Variants in SCN4B observed in about 807,000 individuals in gnomAD.
SCN4B encodes the protein sodium voltage-gated channel beta subunit 4, also known as sodium channel regulatory subunit beta-4.
In SCN4B, 20 loss-of-function variants were observed where a neutral mutation model predicts 19.6. The observed-to-expected ratio is 1.02, with a 90% CI of 0.72 to 1.48. The LOEUF is 1.48. SCN4B is among the 40% of genes most tolerant of loss of function. SCN4B has a pLI of 0.00. For missense variants in SCN4B, 271 were observed against 287.5 expected (o/e 0.94, Z 0.42); for synonymous variants, 127 against 122.8 (o/e 1.03, Z -0.22).
chr11:118,149,243 A>G (rs913894683), intron 1 of SCN4B, among the ~76,000 whole-genome samples: 1 of 152,224 alleles, frequency 6.6e-6, no homozygotes, highest in African/African-American at 2.4e-5. Context: ...CTTTTCCCAC[A>G]TCCAGGGATC....
intron 1 of SCN4B, among the ~76,000 whole-genome samples, chr11:118,149,063 C>G (rs1948210779): frequency 6.6e-6 from 1 of 152,186 alleles, no homozygotes; most frequent in Non-Finnish European, 1.5e-5. Context: ...TGGCCCCCTG[C>G]CATCCTCATC....
chr11:118,145,177 G>A lies in SCN4B; in HGVS notation c.114C>T (p.Ala38=). ...TGCCATTGACAGCGTAGATGTCGGT[G>A]GCCTTTCCCACAGACACCTCCAGCG... ...TLSLEVSVGK[A]TDIYAVNGTE... The change falls in exon 2 of 5, where the codon GCC becomes GCT. Residue 38 remains alanine (A), a synonymous_variant. Coordinates refer to ENST00000324727, the MANE Select transcript of SCN4B (RefSeq NM_174934.4). The A allele has an allele frequency of 6.2e-7, 1 of 1,614,062 alleles. No individual in the cohort carries two copies. The highest frequency in any genetic ancestry group is 8.5e-7 in the Non-Finnish European group (1 of 1,179,998).
rs1021641712 is a variant in SCN4B at position 118,136,613 on chromosome 11, A to T, written c.*414T>A. On this transcript the variant is annotated 3_prime_UTR_variant, in exon 5 of 5. Transcript: ENST00000324727. ...TCCAAAGGAAGCCACTTCTTCCTAC[A>T]CCCCATCTCCAGGGTGCAGCTCTTA... The T allele has an allele frequency of 6.6e-6, 3 of 455,200 alleles. No homozygotes were observed. The highest frequency in any genetic ancestry group is 1.3e-5 in the Non-Finnish European group (3 of 227,844). The allele number at this position is 455,200 out of a possible 1,614,324, so 28.2% of individuals were successfully genotyped here.
At position 118,137,041 on chromosome 11, in the gene SCN4B, G is replaced by C. The variant is rs1352900290; in HGVS notation, c.673C>G (p.Pro225Ala). ...LPGSKAEEKPPSKV is the reference protein window; with the variant it reads ...LPGSKAEEKPASKV Reference sequence around the variant, plus strand: ...CGAAGCAGGGCTCACACTTTTGAAGGTGGTTTCTCCTCTGCCTTGGAGCCA... The same window carrying C: ...CGAAGCAGGGCTCACACTTTTGAAGCTGGTTTCTCCTCTGCCTTGGAGCCA... The change falls in exon 5 of 5, where the codon CCT becomes GCT. Residue 225 changes from proline to alanine, a missense_variant. Pro to Ala is a conservative substitution (Grantham distance 27). Transcript: ENST00000324727. The C allele has an allele frequency of 1.2e-6, 2 of 1,613,222 alleles. No individual in the cohort carries two copies. The highest frequency in any genetic ancestry group is 2.7e-5 in the African/African-American group (2 of 74,912).
Position 118,135,172 on chromosome 11 carries a change from C to T in SCN4B, c.*1855G>A. 2.2e-6 allele frequency: 1 copy of T among 454,102 alleles called. No individual in the cohort carries two copies. The highest frequency in any genetic ancestry group is 2.3e-5 in the Admixed American group (1 of 42,580). 28.1% of individuals were successfully genotyped at this position (454,102 alleles called of 1,614,324 possible). ...AAAGCCAGGAAAATCTGAGCCCCAG[C>T]CCATGACAGGTTCTGGGTAGAGAAG... On this transcript the variant is annotated 3_prime_UTR_variant, in exon 5 of 5. Transcript: ENST00000324727.
rs1038278741 is a variant in SCN4B, at chr11:118,136,377, G to A, written c.*650C>T. On this transcript the variant is annotated 3_prime_UTR_variant, in exon 5 of 5. Transcript: ENST00000324727. The stretch of plus-strand genomic sequence containing the variant: ...GGTGGCCAGGAACCCTCAAGACCAG[G>A]GTGGCCAGCCCTGGTTGAGAGGGCT... 2.2e-6 allele frequency: 1 copy of A among 453,882 alleles called. No homozygotes were observed. The highest frequency in any genetic ancestry group is 2.3e-5 in the Admixed American group (1 of 42,560). The allele number at this position is 453,882 out of a possible 1,614,324, so 28.1% of individuals were successfully genotyped here.
chr11:118,142,618 T>C (rs1203142598), intron 3 of SCN4B, among the ~76,000 whole-genome samples: 1 of 152,216 alleles, frequency 6.6e-6, no homozygotes, highest in African/African-American at 2.4e-5. Context: ...CTTGTTCATA[T>C]CACATCCTCG....
chr11:118,137,133 A>G lies in SCN4B; in HGVS notation c.594-13T>C. 6.3e-7 allele frequency: 1 copy of G among 1,591,906 alleles called. No homozygotes were observed. The highest frequency in any genetic ancestry group is 1.3e-5 in the African/African-American group (1 of 74,536). ...GAGACACTCCTTCCTGGAGAGGGAGAGAGAAGGGACAGTGGTGAGGAGAGG... is the reference window on the plus strand; with the variant it reads ...GAGACACTCCTTCCTGGAGAGGGAGGGAGAAGGGACAGTGGTGAGGAGAGG... On this transcript the variant is annotated splice_polypyrimidine_tract_variant and intron_variant, in intron 4 of 4. Coordinates refer to ENST00000324727, the MANE Select transcript of SCN4B (RefSeq NM_174934.4).
intron 1 of SCN4B, among the ~76,000 whole-genome samples, chr11:118,149,371 G>A (rs1307131098): frequency 2.0e-5 from 3 of 152,302 alleles, no homozygotes; most frequent in African/African-American, 7.2e-5. Flanking sequence ...TTAATAGGGA[G>A]GCTGATACAC....
At chr11:118,149,873 G>T (rs1565458069) in intron 1 of SCN4B, among the ~76,000 whole-genome samples, 2 of 152,156 alleles carry the variant, frequency 1.3e-5, no homozygotes, top group Non-Finnish European at 1.5e-5. Context: ...TTCTCTCTCA[G>T]GTGCCCCCAC....
rs1200013792 is a variant in SCN4B at position 118,148,439 on chromosome 11, C to T, written c.62-3210G>A. Among the ~76,000 whole-genome samples the T allele has an allele frequency of 6.6e-6, 1 of 152,228 alleles. No homozygotes were observed. The highest frequency in any genetic ancestry group is 2.4e-5 in the African/African-American group (1 of 41,460). On this transcript the variant is annotated intron_variant, in intron 1 of 4. Coordinates refer to ENST00000324727, the MANE Select transcript of SCN4B (RefSeq NM_174934.4). The surrounding 1 kb of genome is among the most constrained non-coding windows in gnomAD (Gnocchi z 4.0). ...AGGGCTGCTTCAGGATGACCAAGTC[C>T]AGAGAGGACTGGTGAGCATGCGCAA...
rs900749426 is a variant in SCN4B at position 118,148,164 on chromosome 11, C to T, written c.62-2935G>A. Among the ~76,000 whole-genome samples, 7 of 152,282 alleles carry T rather than the reference C, an allele frequency of 4.6e-5. No individual in the cohort carries two copies. Among genetic ancestry groups the T allele is most frequent in the South Asian group, 2.1e-4 (1 of 4,816 alleles). On this transcript the variant is annotated intron_variant, in intron 1 of 4. Transcript: ENST00000324727. This position sits in a 1 kb window ranked among gnomAD's most constrained non-coding sequence, Gnocchi z 4.0. ...GTAGCTGGGAGGGGAAAATGAAAAC[C>T]GGCAGAAATGGTTTCACAGAGTCCA... is the stretch of plus-strand genomic sequence containing the variant.
intron 4 of SCN4B, among the ~76,000 whole-genome samples, chr11:118,140,310 C>A (rs1171177750): frequency 6.6e-6 from 1 of 152,198 alleles, no homozygotes; most frequent in Non-Finnish European, 1.5e-5. Context: ...CCCAGCGCTG[C>A]TACCTGTATG....
rs1591435060 is a variant in SCN4B, at chr11:118,142,301, C to G, written c.464-965G>C. Among the ~76,000 whole-genome samples, 3 of 152,346 alleles carry G rather than the reference C, an allele frequency of 2.0e-5. 1 individual carries two copies. The highest frequency in any genetic ancestry group is 2.0e-4 in the Admixed American group (3 of 15,304). ...ACTCCTTGCCCTGCTCCAGCACTAG[C>G]CTGCTGTGATTCTTCACGCATCTGC... On this transcript the variant is annotated intron_variant, in intron 3 of 4. Transcript: ENST00000324727.
intron 4 of SCN4B, among the ~76,000 whole-genome samples, chr11:118,139,350 C>T (rs1478977730): frequency 6.6e-6 from 1 of 152,190 alleles, no homozygotes; most frequent in Non-Finnish European, 1.5e-5. Flanking sequence ...CACAAACACC[C>T]ATTCAGCCAG....
intron 1 of SCN4B, among the ~76,000 whole-genome samples, chr11:118,146,980 G>A (rs919379122): frequency 2.6e-5 from 4 of 152,206 alleles, no homozygotes; most frequent in African/African-American, 9.7e-5. Flanking sequence ...TTGTTCTAGA[G>A]CCATGGTTTT....
In SCN4B at chr11:118,148,883, C is replaced by CGT. The variant is rs377256483; in HGVS notation, c.62-3656_62-3655dup. On this transcript the variant is annotated intron_variant, in intron 1 of 4. Coordinates refer to ENST00000324727, the MANE Select transcript of SCN4B (RefSeq NM_174934.4). The surrounding 1 kb of genome is among the most constrained non-coding windows in gnomAD (Gnocchi z 4.0). Reference sequence around the variant, plus strand: ...GTTAATTCTAGAATGTTAAAGTGTACGTGTGTGTGTGTGTGAGAGTGGGGG... The same window carrying CGT: ...GTTAATTCTAGAATGTTAAAGTGTACGTGTGTGTGTGTGTGTGAGAGTGGGGG... Among the ~76,000 whole-genome samples the CGT allele has an allele frequency of 4.0e-4, 61 of 151,700 alleles. No homozygotes were observed. The highest frequency in any genetic ancestry group is 1.7e-3 in the East Asian group (9 of 5,174).
At chr11:118,140,867 G>C (rs777103419) in intron 4 of SCN4B, among the ~76,000 whole-genome samples, 2 of 152,120 alleles carry the variant, frequency 1.3e-5, no homozygotes, top group Non-Finnish European at 2.9e-5. Flanking sequence ...TTTTTCAAAG[G>C]CTCCTTAAGT....
At chr11:118,137,158 G>T in intron 4 of SCN4B, 38 bp from the exon 5 acceptor site, 1 of 1,462,180 alleles carries the variant, frequency 6.8e-7, no homozygotes, top group Non-Finnish European at 9.6e-7. Flanking sequence ...GTGAGGAGAG[G>T]AGCAAGAGTA....
Sources: gnomAD v4.1 joint callset for allele counts (sites outside exome capture counted in the v4.1 genomes callset) on GRCh38, gnomAD v4.1.1 for gene constraint, Gnocchi (gnomAD v3.1) non-coding constraint, MANE v1.5 for transcripts, NCBI Gene and HGNC (gene_info 2026-07-23, HGNC 2026-07-21) for gene names.